The following KCNN2 variants were observed in gnomAD, a reference collection of about 807,000 sequenced individuals.
The protein encoded by KCNN2 is potassium calcium-activated channel subfamily N member 2, also known as small conductance calcium-activated potassium channel protein 2.
KCNN2 carries 24 observed loss-of-function variants against 55.5 expected under a neutral mutation model. The observed-to-expected ratio is 0.43, with a 90% CI of 0.31 to 0.61. The LOEUF is 0.61. Ranked by LOEUF, KCNN2 falls within the 20% of genes least tolerant of loss-of-function variation. KCNN2 has a pLI of 0.08. For missense variants in KCNN2, 754 were observed against 853.6 expected (o/e 0.88, Z 1.45); for synonymous variants, 431 against 336.1 (o/e 1.28, Z -3.09).
intron 5 of KCNN2, among the ~76,000 whole-genome samples, chr5:114,482,836 T>A (rs1762284808): frequency 6.6e-6 from 1 of 152,060 alleles, no homozygotes. Context: ...TGAGAATACA[T>A]GGACACATGG....
chr5:114,285,183 C>G (rs965448774), intron 2 of KCNN2, among the ~76,000 whole-genome samples: 1 of 146,378 alleles, frequency 6.8e-6, no homozygotes, highest in African/African-American at 2.5e-5. Flanking sequence ...ACTGGGGAGG[C>G]TGAGGCAGGA....
chr5:114,446,810 GA>G (rs1249243800), intron 3 of KCNN2, among the ~76,000 whole-genome samples: 4 of 152,112 alleles, frequency 2.6e-5, no homozygotes, highest in Admixed American at 2.0e-4. Context: ...GCTGAAGCAG[GA>G]TAATTGCTTG....
At chr5:114,278,563 A>G (rs1331934360) in intron 2 of KCNN2, among the ~76,000 whole-genome samples, 1 of 152,196 alleles carries the variant, frequency 6.6e-6, no homozygotes, top group Non-Finnish European at 1.5e-5. Flanking sequence ...CACCTACTTA[A>G]GCCTCAGCAA....
chr5:114,106,612 G>T (rs1345931818), intron 1 of KCNN2, among the ~76,000 whole-genome samples: 1 of 143,982 alleles, frequency 6.9e-6, no homozygotes, highest in Non-Finnish European at 1.5e-5. Context: ...GGATATTCCT[G>T]GTGACTAATG....
intron 2 of KCNN2, among the ~76,000 whole-genome samples, chr5:114,337,281 TG>T (rs1358656216): frequency 6.6e-6 from 1 of 151,716 alleles, no homozygotes; most frequent in Non-Finnish European, 1.5e-5. Flanking sequence ...ATTTAGGAGG[TG>T]GGTCAGGTCT....
chr5:114,483,713 C>CTATG (rs1554058881), intron 5 of KCNN2, among the ~76,000 whole-genome samples: 1 of 148,234 alleles, frequency 6.7e-6, no homozygotes, highest in Non-Finnish European at 1.5e-5. Flanking sequence ...TATTTTTCAA[C>CTATG]TGTGTGTGTG....
intron 3 of KCNN2, among the ~76,000 whole-genome samples, chr5:114,447,203 C>G (rs1760449871): frequency 6.6e-6 from 1 of 152,180 alleles, no homozygotes; most frequent in African/African-American, 2.4e-5. Flanking sequence ...TAGAGCACCC[C>G]TGTGGCTACC....
At chr5:114,356,078 T>C (rs565036178) in intron 2 of KCNN2, among the ~76,000 whole-genome samples, 31 of 152,124 alleles carry the variant, frequency 2.0e-4, no homozygotes, top group Non-Finnish European at 3.8e-4. Flanking sequence ...GAGGCGACTA[T>C]ATTCTTCAGC....
chr5:114,131,787 A>C (rs1201185102), intron 1 of KCNN2, among the ~76,000 whole-genome samples: 3 of 152,160 alleles, frequency 2.0e-5, no homozygotes, highest in Non-Finnish European at 2.9e-5. Context: ...CCTCAACAAC[A>C]TCTGTTGTTT....
Position 114,144,596 on chromosome 5 carries a change from C to G in KCNN2, c.-270-76884C>G, listed in dbSNP as rs562954682. On this transcript the variant is annotated intron_variant, in intron 1 of 10. Coordinates refer to the KCNN2 transcript ENST00000512097. The stretch of plus-strand genomic sequence containing the variant: ...GGGGAGCCAAATACCTTCTCTGGCT[C>G]TGACTATTAAAATGCTATGATACTG... Among the ~76,000 whole-genome samples the G allele has an allele frequency of 3.3e-5, 5 of 152,092 alleles. No individual in the cohort carries two copies. The East Asian group carries it at 9.6e-4, about 29-fold the overall frequency.
intron 1 of KCNN2, among the ~76,000 whole-genome samples, chr5:114,194,671 T>C (rs759953872): frequency 1.3e-4 from 20 of 152,130 alleles, no homozygotes; most frequent in Non-Finnish European, 2.2e-4. Context: ...TTATTGATGT[T>C]ATTATTTGCA....
intron 1 of KCNN2, among the ~76,000 whole-genome samples, chr5:114,179,618 T>C (rs1026086357): frequency 2.6e-5 from 4 of 152,200 alleles, no homozygotes; most frequent in African/African-American, 9.7e-5. Context: ...AGACAGTGTT[T>C]GGACTTCTGA....
At chr5:114,154,595 C>A (rs549660129) in intron 1 of KCNN2, among the ~76,000 whole-genome samples, 52 of 152,218 alleles carry the variant, frequency 3.4e-4, no homozygotes, top group African/African-American at 1.2e-3. Context: ...ATACTGTCAT[C>A]CAGATGGACT....
intron 1 of KCNN2, among the ~76,000 whole-genome samples, chr5:114,116,113 C>G (rs1751704034): frequency 6.6e-6 from 1 of 152,016 alleles, no homozygotes; most frequent in Non-Finnish European, 1.5e-5. Context: ...CTTGTTCCTT[C>G]CAGGTGAAGT....
intron 2 of KCNN2, among the ~76,000 whole-genome samples, chr5:114,233,326 C>T (rs1295122401): frequency 3.9e-5 from 6 of 152,086 alleles, no homozygotes; most frequent in African/African-American, 1.4e-4. Context: ...GGCAACTTTG[C>T]GTATTTGATT....
rs571437172 is a variant in KCNN2, at chr5:114,129,181, T to C, written c.-271+72681T>C. Among the ~76,000 whole-genome samples the C allele has an allele frequency of 4.9e-4, 74 of 152,176 alleles. 2 individuals are homozygous for C. The highest frequency in any genetic ancestry group is 1.4e-3 in the African/African-American group (58 of 41,544). ...TACAGAAAGGAATGAGGAAGATAGGTTCCCCACCCCTTACTCTCCTTTTCT... is the reference window on the plus strand; with the variant it reads ...TACAGAAAGGAATGAGGAAGATAGGCTCCCCACCCCTTACTCTCCTTTTCT... On this transcript the variant is annotated intron_variant, in intron 1 of 10. Coordinates refer to the KCNN2 transcript ENST00000512097.
At chr5:114,464,072 C>T (rs778842090) in intron 4 of KCNN2, among the ~76,000 whole-genome samples, 1 of 152,144 alleles carries the variant, frequency 6.6e-6, no homozygotes, top group Non-Finnish European at 1.5e-5. Flanking sequence ...CTGCTACTGA[C>T]ATGCCATCGT....
chr5:114,207,423 A>C (rs1197160655), intron 1 of KCNN2, among the ~76,000 whole-genome samples: 1 of 152,226 alleles, frequency 6.6e-6, no homozygotes, highest in African/African-American at 2.4e-5. Flanking sequence ...GTCATCGCAC[A>C]CATGTATTTT....
At chr5:114,124,829 A>C (rs1187542081) in intron 1 of KCNN2, among the ~76,000 whole-genome samples, 1 of 152,118 alleles carries the variant, frequency 6.6e-6, no homozygotes, top group African/African-American at 2.4e-5. Flanking sequence ...ATTGGTATAC[A>C]CCTCCAATAC....
Sources: gnomAD v4.1 joint callset for allele counts (sites outside exome capture counted in the v4.1 genomes callset) on GRCh38, gnomAD v4.1.1 for gene constraint, MANE v1.5 for transcripts, NCBI Gene and HGNC (gene_info 2026-07-23, HGNC 2026-07-21) for gene names.